PCDH15: variants seen among roughly 807,000 people sequenced by gnomAD.
The protein encoded by PCDH15 is protocadherin related 15.
PCDH15 carries 129 observed loss-of-function variants against 178.5 expected under a neutral mutation model. The ratio of observed to expected loss-of-function variants is 0.72; its 90% CI spans 0.63 to 0.84. PCDH15 has a LOEUF of 0.84. PCDH15 is among the 40% of genes least tolerant of loss of function. PCDH15 has a pLI of 0.00. For synonymous variants in PCDH15, 800 were observed against 732.0 expected (o/e 1.09, Z -1.50); for missense variants, 2,230 against 2,099.9 (o/e 1.06, Z -1.21).
At chr10:55,266,559 A>G (rs940965353) in intron 1 of PCDH15, among the ~76,000 whole-genome samples, 1 of 152,116 alleles carries the variant, frequency 6.6e-6, no homozygotes, top group Non-Finnish European at 1.5e-5. Flanking sequence ...CCTAAGACCA[A>G]CCTGGCTTGC....
At chr10:54,466,358 A>G (rs2077516105) in intron 3 of PCDH15, among the ~76,000 whole-genome samples, 2 of 151,908 alleles carry the variant, frequency 1.3e-5, no homozygotes. Flanking sequence ...TTTTCTATGT[A>G]GTGAGAAATA....
At chr10:53,813,095 A>T (rs1377693507) in intron 35 of PCDH15, among the ~76,000 whole-genome samples, 1 of 152,170 alleles carries the variant, frequency 6.6e-6, no homozygotes, top group Non-Finnish European at 1.5e-5. Context: ...TTGAAAAATA[A>T]AAAGATGGAA....
At chr10:54,184,327 C>A (rs1346353516) in intron 12 of PCDH15, among the ~76,000 whole-genome samples, 1 of 152,038 alleles carries the variant, frequency 6.6e-6, no homozygotes, top group Admixed American at 6.6e-5. Context: ...CTTGTGCTTT[C>A]TCTTAGCTCA....
chr10:54,611,275 G>GTT lies in PCDH15; in HGVS notation c.91+52895_91+52896dup, dbSNP rs536441795. ...AAAGATATGTATCAGTAATATTGAT[G>GTT]TTTTTATTTTTTTAAAAAAAACCTC... On this transcript the variant is annotated intron_variant, in intron 2 of 37. Coordinates refer to ENST00000644397, the MANE Select transcript of PCDH15 (RefSeq NM_001384140.1). Among the ~76,000 whole-genome samples the GTT allele has an allele frequency of 3.4e-4, 52 of 151,724 alleles. 1 individual carries two copies. In the South Asian group the frequency reaches 8.5e-3, roughly 25 times the overall value.
rs934018256 is a variant in PCDH15 at position 54,845,056 on chromosome 10, C to T, written c.-29+52394G>A. Reference sequence around the variant, plus strand: ...GATTTATAATTTTAATTTAAAATTACGTTTAATAAGGGATTTTAAAATAAT... The same window carrying T: ...GATTTATAATTTTAATTTAAAATTATGTTTAATAAGGGATTTTAAAATAAT... On this transcript the variant is annotated intron_variant, in intron 3 of 5. Transcript: ENST00000458638. Among the ~76,000 whole-genome samples the T allele has an allele frequency of 4.7e-4, 71 of 151,738 alleles. 1 individual carries two copies. The highest frequency in any genetic ancestry group is 1.6e-3 in the African/African-American group (66 of 41,356).
chr10:53,996,151 T>A (rs567253426), intron 20 of PCDH15, among the ~76,000 whole-genome samples: 63 of 152,246 alleles, frequency 4.1e-4, no homozygotes, highest in South Asian at 1.4e-3. Flanking sequence ...AGATTTTTTT[T>A]AAATGCTCTT....
intron 18 of PCDH15, among the ~76,000 whole-genome samples, chr10:54,056,904 A>C (rs2093903334): frequency 6.6e-6 from 1 of 152,166 alleles, no homozygotes; most frequent in African/African-American, 2.4e-5. Flanking sequence ...AAATGAGAGA[A>C]ATTGGCCAAA....
intron 2 of PCDH15, among the ~76,000 whole-genome samples, chr10:55,044,048 T>C (rs1840936466): frequency 6.6e-6 from 1 of 152,140 alleles, no homozygotes; most frequent in South Asian, 2.1e-4. Context: ...TCAGCTAAGA[T>C]ATTTAAAAGT....
At chr10:55,349,262 C>A (rs1264497065) in intron 2 of PCDH15, among the ~76,000 whole-genome samples, 1 of 152,130 alleles carries the variant, frequency 6.6e-6, no homozygotes, top group Non-Finnish European at 1.5e-5. Flanking sequence ...TGCTAGAAGA[C>A]CCTGCCAACT....
At position 54,512,839 on chromosome 10, in the gene PCDH15, G is replaced by T. The variant is rs145898496; in HGVS notation, c.157+14973C>A. Among the ~76,000 whole-genome samples the T allele has an allele frequency of 3.0e-3, 460 of 151,990 alleles. 1 individual carries two copies. The highest frequency in any genetic ancestry group is 0.011 in the African/African-American group (452 of 41,478). ...TTAAAAATGTCATTTCATGATGCAC[G>T]TGTCTACTTTATCTAACTTCCCTTA... On this transcript the variant is annotated intron_variant, in intron 3 of 37. Transcript: ENST00000644397.
At chr10:55,605,362 T>C (rs1323101650) in intron 2 of PCDH15, among the ~76,000 whole-genome samples, 1 of 151,500 alleles carries the variant, frequency 6.6e-6, no homozygotes, top group South Asian at 2.1e-4. Flanking sequence ...TTCCAATCAA[T>C]AGAAAAAGAG....
At chr10:55,610,076 CACA>C (rs1165801934) in intron 2 of PCDH15, among the ~76,000 whole-genome samples, 3 of 151,876 alleles carry the variant, frequency 2.0e-5, no homozygotes, top group South Asian at 2.1e-4. Context: ...TAAGACCAAG[CACA>C]ACAACAACAA....
At chr10:54,544,459 G>A (rs1374494920) in intron 2 of PCDH15, among the ~76,000 whole-genome samples, 2 of 145,856 alleles carry the variant, frequency 1.4e-5, no homozygotes, top group African/African-American at 5.2e-5. Flanking sequence ...AAAGTTTTAT[G>A]TCCTGCTGAG....
At chr10:55,541,220 C>A (rs963832003) in intron 2 of PCDH15, among the ~76,000 whole-genome samples, 2 of 151,874 alleles carry the variant, frequency 1.3e-5, no homozygotes, top group African/African-American at 4.8e-5. Context: ...TTCATGGAAA[C>A]CCCTGCTGTT....
At chr10:54,996,139 G>T (rs1194684907) in intron 2 of PCDH15, among the ~76,000 whole-genome samples, 1 of 152,132 alleles carries the variant, frequency 6.6e-6, no homozygotes, top group Non-Finnish European at 1.5e-5. Context: ...ACTGCAGTGG[G>T]CCAGGAGTTT....
chr10:55,521,617 G>C (rs1841178288), intron 2 of PCDH15, among the ~76,000 whole-genome samples: 1 of 151,846 alleles, frequency 6.6e-6, no homozygotes, highest in South Asian at 2.1e-4. Context: ...TACTTTGATT[G>C]TTTTCATATC....
At chr10:54,138,110 G>A (rs2043053302) in intron 14 of PCDH15, among the ~76,000 whole-genome samples, 1 of 152,144 alleles carries the variant, frequency 6.6e-6, no homozygotes, top group African/African-American at 2.4e-5. Flanking sequence ...CTCTCAGTTT[G>A]AGAATTTTTT....
At chr10:54,978,897 C>T (rs1183781485) in intron 2 of PCDH15, among the ~76,000 whole-genome samples, 1 of 152,062 alleles carries the variant, frequency 6.6e-6, no homozygotes, top group Non-Finnish European at 1.5e-5. Flanking sequence ...GCTCATATTT[C>T]TCTTATTAGT....
intron 15 of PCDH15, among the ~76,000 whole-genome samples, chr10:54,125,353 TA>T (rs1019754793): frequency 1.3e-5 from 2 of 152,190 alleles, no homozygotes; most frequent in Non-Finnish European, 2.9e-5. Flanking sequence ...CCAGAAGTTT[TA>T]AAGCAGTAGC....
Sources: allele counts gnomAD v4.1 joint callset (sites outside exome capture counted in the v4.1 genomes callset), GRCh38; gene constraint gnomAD v4.1.1; transcripts MANE v1.5; gene names NCBI Gene and HGNC (gene_info 2026-07-23, HGNC 2026-07-21).